The following CAMK2B variants were observed in gnomAD, a reference collection of about 807,000 sequenced individuals.
CAMK2B encodes calcium/calmodulin-dependent protein kinase type II subunit beta.
CAMK2B carries 27 observed loss-of-function variants against 93.7 expected under a neutral mutation model. That is an observed-to-expected ratio of 0.29 (90% CI 0.21 to 0.40). CAMK2B has a LOEUF of 0.40. Among genes scored for constraint, CAMK2B ranks in the 10% least tolerant of loss-of-function variants. The pLI is 1.00. For synonymous variants in CAMK2B, 374 were observed against 358.8 expected (o/e 1.04, Z -0.48); for missense variants, 568 against 895.8 (o/e 0.63, Z 4.67).
chr7:44,323,711 A>C (rs1796736468), intron 1 of CAMK2B: 1 of 154,930 alleles, frequency 6.5e-6, no homozygotes, highest in Admixed American at 6.5e-5. Context: ...TGTGCTTCTG[A>C]GCGCAAGCAG....
rs570082976 is a variant in CAMK2B at position 44,226,603 on chromosome 7, A to G, written c.1510T>C (p.Ser504Pro). Residue 504 changes from serine to proline, a missense_variant, in exon 20 of 24, where the codon TCA (serine) becomes CCA (proline). Physicochemically the swap from Ser to Pro is moderately conservative, Grantham distance 74 (BLOSUM62 -1). This residue lies in a region of CAMK2B where 308 missense variants were observed against 292.1 expected (regional missense o/e 1.05). Transcript: ENST00000395749. ...GGGCCCTCGGCTTCTGGGGTCCCTGAGCCCCTCCTCACAGAGTTCAGGATG... is the reference window on the plus strand; with the variant it reads ...GGGCCCTCGGCTTCTGGGGTCCCTGGGCCCCTCCTCACAGAGTTCAGGATG... ...SDILNSVRRG[S>P]GTPEAEGPSP... is the part of the protein sequence containing the mutation. The G allele has an allele frequency of 1.3e-6, 2 of 1,521,676 alleles. No individual in the cohort carries two copies. Among genetic ancestry groups the G allele is most frequent in the South Asian group, 2.6e-5 (2 of 77,216 alleles). 94.3% of individuals were successfully genotyped at this position (1,521,676 alleles called of 1,614,324 possible).
intron 2 of CAMK2B, among the ~76,000 whole-genome samples, chr7:44,280,318 G>C (rs1041264751): frequency 6.6e-6 from 1 of 152,194 alleles, no homozygotes; most frequent in Admixed American, 6.5e-5. Context: ...AAGGCCCCAC[G>C]GGTCTCAATC....
chr7:44,255,761 T>G (rs569714147), intron 4 of CAMK2B, among the ~76,000 whole-genome samples: 7 of 152,170 alleles, frequency 4.6e-5, no homozygotes, highest in Non-Finnish European at 2.9e-5. Context: ...CTGTTGAACA[T>G]GTGACCTTGG....
chr7:44,231,132 C>T lies in CAMK2B; in HGVS notation c.1177-78G>A, dbSNP rs1583910866. On this transcript the variant is annotated intron_variant, in intron 16 of 23. Transcript: ENST00000395749. ...CGTGGCTGAGGGCAGGTGGACAGGG[C>T]TGGGCCTGTGTCAGGACCAGCCCAG... is the stretch of plus-strand genomic sequence containing the variant. 3.2e-5 allele frequency: 30 copies of T among 949,828 alleles called. No individual in the cohort carries two copies. In the East Asian group the frequency reaches 1.0e-3, roughly 33 times the overall value. 58.8% of individuals were successfully genotyped at this position (949,828 alleles called of 1,614,324 possible). A position where few individuals can be genotyped will look rare whatever the true frequency, so the allele number is the denominator to read the frequency against.
chr7:44,312,228 G>T lies in CAMK2B; in HGVS notation c.65+13129C>A, dbSNP rs945787353. Among the ~76,000 whole-genome samples, 1 of 152,028 alleles carries T rather than the reference G, an allele frequency of 6.6e-6. No individual in the cohort carries two copies. The highest frequency in any genetic ancestry group is 2.4e-5 in the African/African-American group (1 of 41,420). ...AGTGGAGGTGAGTGGAATTTAAAAT[G>T]ACAACTCTATTCCAGCATCCTCAGC... On this transcript the variant is annotated intron_variant, in intron 1 of 23. Coordinates refer to ENST00000395749, the MANE Select transcript of CAMK2B (RefSeq NM_001220.5). This position sits in a 1 kb window ranked among gnomAD's most constrained non-coding sequence, Gnocchi z 4.1.
chr7:44,243,050 T>C (rs1056109959), intron 8 of CAMK2B, among the ~76,000 whole-genome samples, 200 bp downstream of exon 8: 1 of 152,230 alleles, frequency 6.6e-6, no homozygotes, highest in Non-Finnish European at 1.5e-5. Context: ...GCCAGGTTCA[T>C]GTGAGCAATT....
rs758623383 is a variant in CAMK2B at position 44,247,129 on chromosome 7, T to C, written c.405A>G (p.Arg135=). Residue 135 remains arginine (R), a synonymous_variant, in exon 6 of 24, where the codon AGA becomes AGG. Coordinates refer to ENST00000395749, the MANE Select transcript of CAMK2B (RefSeq NM_001220.5). ...TGGGGTGGGGACTCACCTTGAGGTC[T>C]CTGTGGACGACCCCCATTTGGTGAC... ...LHCHQMGVVH[R]DLKPENLLLA... 5.0e-6 allele frequency: 8 copies of C among 1,613,902 alleles called. No individual in the cohort carries two copies. The highest frequency in any genetic ancestry group is 6.8e-6 in the Non-Finnish European group (8 of 1,179,800).
chr7:44,237,477 C>T (rs949456732), intron 13 of CAMK2B, among the ~76,000 whole-genome samples: 1 of 152,234 alleles, frequency 6.6e-6, no homozygotes, highest in East Asian at 1.9e-4. Flanking sequence ...TCAGTCAGTT[C>T]CCAAACATCC....
intron 1 of CAMK2B, among the ~76,000 whole-genome samples, chr7:44,314,787 T>A (rs1794442818): frequency 6.6e-6 from 1 of 152,256 alleles, no homozygotes; most frequent in Admixed American, 6.5e-5. Context: ...GCCATCCTAG[T>A]AAGAGTGAAA....
Position 44,290,329 on chromosome 7 carries a change from C to T in CAMK2B, c.66-6104G>A, listed in dbSNP as rs186043540. Among the ~76,000 whole-genome samples the T allele has an allele frequency of 1.9e-3, 296 of 152,398 alleles. 1 individual carries two copies. The highest frequency in any genetic ancestry group is 3.1e-3 in the Non-Finnish European group (211 of 68,038). ...GCTCCCCACGCGGGCCAGGCGCTGT[C>T]TCCCTAGTAGCAAGCACAGCCCCCT... On this transcript the variant is annotated intron_variant, in intron 1 of 23. Transcript: ENST00000395749.
intron 20 of CAMK2B, among the ~76,000 whole-genome samples, chr7:44,223,633 C>T (rs2096439690): frequency 6.6e-6 from 1 of 151,992 alleles, no homozygotes; most frequent in Non-Finnish European, 1.5e-5. Context: ...CCTCTCCACC[C>T]TCTGCCTGGC....
chr7:44,222,159 G>A lies in CAMK2B; in HGVS notation c.1598-1258C>T, dbSNP rs138883413. Reference sequence around the variant, plus strand: ...AGTGGTTTCTCAAAGTAATTCGTCCGTGGAAAAAACTCAAACCCCCAGAAG... The same window carrying A: ...AGTGGTTTCTCAAAGTAATTCGTCCATGGAAAAAACTCAAACCCCCAGAAG... On this transcript the variant is annotated intron_variant, in intron 20 of 23. Coordinates refer to ENST00000395749, the MANE Select transcript of CAMK2B (RefSeq NM_001220.5). 7.7e-3 allele frequency among the ~76,000 whole-genome samples: 1,165 copies of A among 152,266 alleles called. 11 individuals are homozygous for A. The highest frequency in any genetic ancestry group is 0.028 in the South Asian group (135 of 4,834).
rs771521406 is a variant in CAMK2B at position 44,284,193 on chromosome 7, T to C, written c.98A>G (p.Lys33Arg). ...GAFSVVRRCV[K>R]LCTGHEYAAK... ...TGCATACTCATGGCCGGTGCAGAGCTTGACACAGCGTCGGACCACAGAGAA... is the reference window on the plus strand; with the variant it reads ...TGCATACTCATGGCCGGTGCAGAGCCTGACACAGCGTCGGACCACAGAGAA... Residue 33 changes from lysine to arginine, a missense_variant, in exon 2 of 24, where the codon AAG (lysine) becomes AGG (arginine). Coordinates refer to ENST00000395749, the MANE Select transcript of CAMK2B (RefSeq NM_001220.5). The C allele has an allele frequency of 2.5e-6, 4 of 1,613,570 alleles. No individual in the cohort carries two copies. The Admixed American group carries it at 5.0e-5, about 20-fold the overall frequency.
chr7:44,286,430 T>G lies in CAMK2B; in HGVS notation c.66-2205A>C, dbSNP rs994496249. The stretch of plus-strand genomic sequence containing the variant: ...AGACTGCACATCTATGCCAAGCTGA[T>G]GATGCCCGTATGGCACCGCTGTGTC... On this transcript the variant is annotated intron_variant, in intron 1 of 23. Transcript: ENST00000395749. The surrounding 1 kb of genome is among the most constrained non-coding windows in gnomAD (Gnocchi z 4.0). Among the ~76,000 whole-genome samples, 11 of 152,244 alleles carry G rather than the reference T, an allele frequency of 7.2e-5. No homozygotes were observed. Among genetic ancestry groups the G allele is most frequent in the African/African-American group, 2.6e-4 (11 of 41,546 alleles).
Position 44,224,480 on chromosome 7 carries a change from G to A in CAMK2B, c.1597+2036C>T, listed in dbSNP as rs576417890. On this transcript the variant is annotated intron_variant, in intron 20 of 23. Coordinates refer to ENST00000395749, the MANE Select transcript of CAMK2B (RefSeq NM_001220.5). This position sits in a 1 kb window ranked among gnomAD's most constrained non-coding sequence, Gnocchi z 4.4. ...GGTGGGCAGGGCCTGGGCTTGGAGG[G>A]GTCTGCACGAGCCAAGAGCCTCTGC... 1.3e-5 allele frequency among the ~76,000 whole-genome samples: 2 copies of A among 152,304 alleles called. No homozygotes were observed. The highest frequency in any genetic ancestry group is 1.3e-4 in the Admixed American group (2 of 15,306).
At chr7:44,315,759 T>C (rs1295308032) in intron 1 of CAMK2B, among the ~76,000 whole-genome samples, 1 of 152,230 alleles carries the variant, frequency 6.6e-6, no homozygotes, top group East Asian at 1.9e-4. Context: ...GTTTGTGGTT[T>C]TCAATGTACA....
At chr7:44,317,262 AAAG>A (rs1795028565) in intron 1 of CAMK2B, among the ~76,000 whole-genome samples, 1 of 151,996 alleles carries the variant, frequency 6.6e-6, no homozygotes, top group African/African-American at 2.4e-5. Flanking sequence ...AAAAAAAAAA[AAAG>A]CATGGTGATT....
At chr7:44,266,436 T>C (rs2096921940) in intron 2 of CAMK2B, among the ~76,000 whole-genome samples, 1 of 152,210 alleles carries the variant, frequency 6.6e-6, no homozygotes, top group Non-Finnish European at 1.5e-5. Context: ...CCCAATCCAG[T>C]GCATAAGAAA....
chr7:44,322,062 C>G (rs1451612722), intron 1 of CAMK2B, among the ~76,000 whole-genome samples: 1 of 152,252 alleles, frequency 6.6e-6, no homozygotes, highest in Non-Finnish European at 1.5e-5. Flanking sequence ...CCACAGTGTG[C>G]TGAGTGACAA....
Sources: allele counts gnomAD v4.1 joint callset (sites outside exome capture counted in the v4.1 genomes callset), GRCh38; gene constraint gnomAD v4.1.1; regional missense constraint gnomAD v4.1.1; non-coding constraint Gnocchi (gnomAD v3.1); transcripts MANE v1.5; gene names NCBI Gene and HGNC (gene_info 2026-07-23, HGNC 2026-07-21).